INPP5F: variants seen among roughly 807,000 people sequenced by gnomAD.
The protein encoded by INPP5F is inositol polyphosphate-5-phosphatase F.
Under a neutral mutation model 137.2 loss-of-function variants are expected in INPP5F, and 97 were observed. The ratio of observed to expected loss-of-function variants is 0.71; its 90% confidence interval spans 0.60 to 0.84. INPP5F has a LOEUF of 0.84. Ranked by LOEUF, INPP5F falls within the 40% of genes least tolerant of loss-of-function variation. The probability of loss-of-function intolerance (pLI) is 0.00; values close to 1 mark genes in which losing one functional copy is unlikely to be tolerated. For missense variants in INPP5F, 1,271 were observed against 1,371.9 expected, an observed-to-expected ratio of 0.93 and a Z score of 1.16; for synonymous variants, 504 against 476.9, an observed-to-expected ratio of 1.06 and a Z score of -0.74.
chr10:119,767,908 G>A (rs182393871), intron 2 of INPP5F, among the ~76,000 whole-genome samples: 37 of 152,246 alleles, frequency 2.4e-4, no homozygotes, highest in Non-Finnish European at 4.1e-4. Flanking sequence ...AAAAAGCAAC[G>A]AGTCATTTGG....
chr10:119,780,400 C>A (rs1480318574), intron 2 of INPP5F, among the ~76,000 whole-genome samples: 1 of 151,958 alleles, frequency 6.6e-6, no homozygotes, highest in African/African-American at 2.4e-5. Context: ...CATGGCAAAA[C>A]CCCATCTCTT....
chr10:119,786,949 C>A (rs1849941310), intron 3 of INPP5F, among the ~76,000 whole-genome samples: 1 of 151,544 alleles, frequency 6.6e-6, no homozygotes, highest in Non-Finnish European at 1.5e-5. Flanking sequence ...TCTTGGGGGG[C>A]CATATTTGTT....
At chr10:119,821,016 T>C in intron 16 of INPP5F, 99 bp downstream of exon 16, 1 of 758,340 alleles carries the variant, frequency 1.3e-6, no homozygotes, top group East Asian at 2.6e-5. Flanking sequence ...GAATATGGTT[T>C]TGTTATGTAT....
chr10:119,729,056 A>C (rs750334589), intron 1 of INPP5F, among the ~76,000 whole-genome samples: 5 of 151,760 alleles, frequency 3.3e-5, no homozygotes, highest in Non-Finnish European at 7.4e-5. Flanking sequence ...GTTAAGTCTA[A>C]GTTCTCTCTC....
chr10:119,777,344 C>A (rs1849557693), intron 2 of INPP5F, among the ~76,000 whole-genome samples: 1 of 152,050 alleles, frequency 6.6e-6, no homozygotes, highest in African/African-American at 2.4e-5. Context: ...CCCGTCCCTA[C>A]TAAAATAACA....
intron 2 of INPP5F, among the ~76,000 whole-genome samples, chr10:119,777,795 A>G (rs1354350756): frequency 6.6e-6 from 1 of 152,098 alleles, no homozygotes; most frequent in Non-Finnish European, 1.5e-5. Context: ...TTAATGTTTA[A>G]TGATAATAGG....
rs749003085 is a variant in INPP5F at position 119,796,925 on chromosome 10, G to T, written c.868+12G>T. 1 of 1,605,992 alleles carries T rather than the reference G, an allele frequency of 6.2e-7. No individual in the cohort carries two copies. Among genetic ancestry groups the T allele is most frequent in the Non-Finnish European group, 8.5e-7 (1 of 1,172,842 alleles). On this transcript the variant is annotated intron_variant, in intron 7 of 19. Coordinates refer to ENST00000650623, the MANE Select transcript of INPP5F (RefSeq NM_014937.4). Reference sequence around the variant, plus strand: ...TAGGCACAGAGCAGGTGAGTGGAGGGCTGTAATAGCATTCAAATCAAATCC... The same window carrying T: ...TAGGCACAGAGCAGGTGAGTGGAGGTCTGTAATAGCATTCAAATCAAATCC...
At chr10:119,731,270 A>C (rs1848055285) in intron 1 of INPP5F, among the ~76,000 whole-genome samples, 1 of 150,416 alleles carries the variant, frequency 6.6e-6, no homozygotes, top group Admixed American at 6.6e-5. Context: ...TTTTTTTTTG[A>C]GGTATCATTT....
At chr10:119,753,990 G>T (rs1848764142) in intron 2 of INPP5F, among the ~76,000 whole-genome samples, 1 of 152,044 alleles carries the variant, frequency 6.6e-6, no homozygotes, top group African/African-American at 2.4e-5. Context: ...TCTCTTTTTG[G>T]CTTTCTCTGT....
At chr10:119,774,135 G>A (rs981233887) in intron 2 of INPP5F, among the ~76,000 whole-genome samples, 3 of 151,628 alleles carry the variant, frequency 2.0e-5, no homozygotes, top group South Asian at 2.1e-4. Flanking sequence ...GGTGGCGTGC[G>A]CCTGTAGTCT....
intron 2 of INPP5F, among the ~76,000 whole-genome samples, chr10:119,764,305 G>A (rs1213717573): frequency 6.6e-6 from 1 of 152,092 alleles, no homozygotes; most frequent in African/African-American, 2.4e-5. Flanking sequence ...AGAACCAATA[G>A]TGTATACGCG....
At chr10:119,759,110 A>G (rs2134138112) in intron 2 of INPP5F, among the ~76,000 whole-genome samples, 1 of 152,316 alleles carries the variant, frequency 6.6e-6, no homozygotes, top group South Asian at 2.1e-4. Flanking sequence ...TCATGGGACA[A>G]GCCTTTTAGT....
intron 13 of INPP5F, 29 bp from the exon 14 acceptor site, chr10:119,810,071 A>C (rs781592716): frequency 7.8e-7 from 1 of 1,278,082 alleles, no homozygotes; most frequent in South Asian, 1.2e-5. Context: ...TGTTTAAATA[A>C]GATGTCAAAA....
At position 119,787,948 on chromosome 10, in the gene INPP5F, C is replaced by G. The variant is rs1023662006; in HGVS notation, c.316-3569C>G. On this transcript the variant is annotated intron_variant, in intron 3 of 19. Coordinates refer to ENST00000650623, the MANE Select transcript of INPP5F (RefSeq NM_014937.4). This position sits in a 1 kb window ranked among gnomAD's most constrained non-coding sequence, Gnocchi z 4.1. The stretch of plus-strand genomic sequence containing the variant: ...AGTTGGATAATCCTGCATAGAACAT[C>G]TCCTGTGTGCCATGCCAGTAGCATT... Among the ~76,000 whole-genome samples, 5 of 152,160 alleles carry G rather than the reference C, an allele frequency of 3.3e-5. No homozygotes were observed. The highest frequency in any genetic ancestry group is 5.9e-5 in the Non-Finnish European group (4 of 68,034).
intron 3 of INPP5F, among the ~76,000 whole-genome samples, chr10:119,788,395 T>G (rs1041461580): frequency 6.6e-6 from 1 of 151,814 alleles, no homozygotes; most frequent in Non-Finnish European, 1.5e-5. Context: ...ATACCATCAG[T>G]TTTAGAGAAG....
At chr10:119,769,862 G>A (rs1386885135) in intron 2 of INPP5F, among the ~76,000 whole-genome samples, 1 of 152,168 alleles carries the variant, frequency 6.6e-6, no homozygotes. Flanking sequence ...ATGGCAGATT[G>A]TGGGACTTTT....
chr10:119,739,022 G>A (rs200900759), intron 1 of INPP5F, among the ~76,000 whole-genome samples: 33 of 146,302 alleles, frequency 2.3e-4, no homozygotes, highest in Non-Finnish European at 2.0e-4. Context: ...TCTCTACTAA[G>A]AAAAAAAAAA....
intron 1 of INPP5F, among the ~76,000 whole-genome samples, chr10:119,744,931 C>T (rs12221243): frequency 0.1 from 15,623 of 152,128 alleles, 958 homozygotes; most frequent in Admixed American, 0.14. Context: ...TTTTCATTCT[C>T]GACTACTAAT....
At position 119,798,627 on chromosome 10, in the gene INPP5F, A is replaced by G. The variant is rs761566195; in HGVS notation, c.1116+17A>G. The stretch of plus-strand genomic sequence containing the variant: ...AAAAAACAGGTGGGCTTTGATTTAC[A>G]GTAGTAAAATGTTCCTTCATCTTTA... On this transcript the variant is annotated intron_variant, in intron 9 of 19. Coordinates refer to ENST00000650623, the MANE Select transcript of INPP5F (RefSeq NM_014937.4). 1 of 1,568,666 alleles carries G rather than the reference A, an allele frequency of 6.4e-7. No individual in the cohort carries two copies.
Sources: allele counts gnomAD v4.1 joint callset (sites outside exome capture counted in the v4.1 genomes callset), GRCh38; gene constraint gnomAD v4.1.1; non-coding constraint Gnocchi (gnomAD v3.1); transcripts MANE v1.5; gene names NCBI Gene and HGNC (gene_info 2026-07-23, HGNC 2026-07-21).